The following GNAT3 variants were observed in gnomAD, a reference collection of about 807,000 sequenced individuals.
GNAT3 encodes guanine nucleotide-binding protein G(t) subunit alpha-3.
In GNAT3, 31 loss-of-function variants were observed where a neutral mutation model predicts 37.7. The observed-to-expected ratio is 0.82, with a 90% CI of 0.62 to 1.11. The LOEUF (loss-of-function observed/expected upper bound fraction) is 1.11. Among genes scored for constraint, GNAT3 ranks in the 50% most tolerant of loss-of-function variants. The pLI is 0.00. For missense variants in GNAT3, 437 were observed against 412.5 expected (o/e 1.06, Z -0.51); for synonymous variants, 138 against 139.8 (o/e 0.99, Z 0.09).
At chr7:80,501,895 C>T (rs1177759928) in intron 1 of GNAT3, among the ~76,000 whole-genome samples, 1 of 152,052 alleles carries the variant, frequency 6.6e-6, no homozygotes, top group South Asian at 2.1e-4. Flanking sequence ...CATCATGAAT[C>T]TGTAAAATTC....
intron 5 of GNAT3, among the ~76,000 whole-genome samples, chr7:80,464,373 A>C (rs1040485064): frequency 6.6e-6 from 1 of 152,120 alleles, no homozygotes; most frequent in African/African-American, 2.4e-5. Context: ...AGCAAAGGTG[A>C]CAGAGGAAAC....
chr7:80,510,376 A>G (rs1260408940), intron 1 of GNAT3, among the ~76,000 whole-genome samples: 2 of 152,202 alleles, frequency 1.3e-5, no homozygotes, highest in Non-Finnish European at 2.9e-5. Flanking sequence ...TATATTGAAA[A>G]CACACATCTA....
At chr7:80,483,451 T>G (rs1790424958) in intron 3 of GNAT3, among the ~76,000 whole-genome samples, 1 of 152,118 alleles carries the variant, frequency 6.6e-6, no homozygotes, top group Admixed American at 6.6e-5. Context: ...TTATGAAAAC[T>G]TAGCTTCCTC....
intron 1 of GNAT3, among the ~76,000 whole-genome samples, chr7:80,506,583 C>T (rs943551110): frequency 6.6e-6 from 1 of 152,112 alleles, no homozygotes; most frequent in Non-Finnish European, 1.5e-5. Flanking sequence ...GTTGTTGTAG[C>T]CCTTTGCATT....
At chr7:80,502,188 G>A (rs576744984) in intron 1 of GNAT3, among the ~76,000 whole-genome samples, 17 of 152,130 alleles carry the variant, frequency 1.1e-4, no homozygotes, top group Middle Eastern at 3.4e-3. Context: ...GAAGTCTACT[G>A]TGTGGATTGT....
At chr7:80,495,183 G>A (rs1385626804) in intron 1 of GNAT3, among the ~76,000 whole-genome samples, 13 of 152,004 alleles carry the variant, frequency 8.6e-5, no homozygotes, top group Admixed American at 8.5e-4. Context: ...TATAAATAGT[G>A]CTGCAATAAA....
chr7:80,505,878 T>C (rs551848179), intron 1 of GNAT3, among the ~76,000 whole-genome samples: 1 of 152,326 alleles, frequency 6.6e-6, no homozygotes, highest in East Asian at 1.9e-4. Flanking sequence ...TCTACATTGA[T>C]ATATTTGCAC....
chr7:80,495,741 C>T (rs956833858), intron 1 of GNAT3, among the ~76,000 whole-genome samples: 1 of 151,996 alleles, frequency 6.6e-6, no homozygotes, highest in South Asian at 2.1e-4. Context: ...TGCAGGATTA[C>T]AGGTGTGAGC....
chr7:80,499,997 T>C (rs377732386), intron 1 of GNAT3, among the ~76,000 whole-genome samples: 3 of 152,322 alleles, frequency 2.0e-5, no homozygotes, highest in African/African-American at 7.2e-5. Flanking sequence ...AAGTATAATA[T>C]GATCCACTCC....
At chr7:80,485,453 G>A (rs900606560) in intron 3 of GNAT3, among the ~76,000 whole-genome samples, 1 of 152,052 alleles carries the variant, frequency 6.6e-6, no homozygotes, top group African/African-American at 2.4e-5. Flanking sequence ...CTCATTTAAT[G>A]TTAGTGTTCC....
At chr7:80,477,594 T>A (rs1044064437) in intron 4 of GNAT3, among the ~76,000 whole-genome samples, 1 of 152,144 alleles carries the variant, frequency 6.6e-6, no homozygotes, top group Non-Finnish European at 1.5e-5. Context: ...TATAGCTTAT[T>A]TTCTCTCCCT....
chr7:80,491,399 A>T (rs1263931807), intron 2 of GNAT3, among the ~76,000 whole-genome samples: 2 of 152,300 alleles, frequency 1.3e-5, no homozygotes, highest in East Asian at 1.9e-4. Flanking sequence ...AAAGTGTGTG[A>T]GTTTGAAAGA....
chr7:80,495,276 TC>T (rs1790694715), intron 1 of GNAT3, among the ~76,000 whole-genome samples: 1 of 152,154 alleles, frequency 6.6e-6, no homozygotes, highest in Non-Finnish European at 1.5e-5. Context: ...CAAATGGTAG[TC>T]CTATTTTTAA....
intron 7 of GNAT3, among the ~76,000 whole-genome samples, chr7:80,460,101 T>C (rs1790024573): frequency 6.6e-6 from 1 of 152,204 alleles, no homozygotes; most frequent in Admixed American, 6.5e-5. Flanking sequence ...GCTGAAAGGA[T>C]AAACTGTGGT....
rs774828440 is a variant in GNAT3, at chr7:80,462,242, A to G, written c.791T>C (p.Ile264Thr). 1.3e-5 allele frequency: 21 copies of G among 1,611,494 alleles called. No individual in the cohort carries two copies. The Middle Eastern group carries it at 4.9e-4, about 38-fold the overall frequency. Residue 264 changes from isoleucine to threonine, a missense_variant, in exon 7 of 8, where the codon ATT becomes ACT. Ile to Thr is a moderately conservative substitution (Grantham distance 89). Transcript: ENST00000398291. Reference protein sequence around the residue: ...CNHKYFSTTSIVLFLNKKDIF... With the variant: ...CNHKYFSTTSTVLFLNKKDIF... ...ATCTTTTTTGTTGAGGAACAGGACA[A>G]TGGAGGTTGTTGAAAAATACTTGTG...
At chr7:80,487,607 G>C (rs1790512586) in intron 3 of GNAT3, 1 of 152,118 alleles carries the variant, frequency 6.6e-6, no homozygotes, top group South Asian at 2.1e-4. Context: ...GGTCCACTAA[G>C]CTGGGGGAGG....
intron 1 of GNAT3, among the ~76,000 whole-genome samples, chr7:80,509,622 C>T (rs1791021203): frequency 6.6e-6 from 1 of 152,022 alleles, no homozygotes; most frequent in African/African-American, 2.4e-5. Flanking sequence ...CATTTGATAG[C>T]ATTGCATACA....
At chr7:80,483,452 T>C (rs1790424994) in intron 3 of GNAT3, among the ~76,000 whole-genome samples, 1 of 152,112 alleles carries the variant, frequency 6.6e-6, no homozygotes, top group African/African-American at 2.4e-5. Context: ...TATGAAAACT[T>C]AGCTTCCTCA....
intron 3 of GNAT3, among the ~76,000 whole-genome samples, chr7:80,487,172 GC>G (rs765612060): frequency 9.2e-5 from 14 of 152,064 alleles, no homozygotes; most frequent in Admixed American, 5.9e-4. Flanking sequence ...TTTCTTAAGA[GC>G]CAATTTAAAA....
Sources: allele counts gnomAD v4.1 joint callset (sites outside exome capture counted in the v4.1 genomes callset), GRCh38; gene constraint gnomAD v4.1.1; transcripts MANE v1.5; gene names NCBI Gene and HGNC (gene_info 2026-07-23, HGNC 2026-07-21).